CNTN4: variants seen among roughly 807,000 people sequenced by gnomAD.
CNTN4 encodes the protein contactin 4.
Under a neutral mutation model 122.5 loss-of-function variants are expected in CNTN4, and 77 were observed. The ratio of observed to expected loss-of-function variants is 0.63; its 90% confidence interval spans 0.52 to 0.76. CNTN4 has a LOEUF of 0.76. CNTN4 is among the 30% of genes least tolerant of loss of function. The probability of loss-of-function intolerance (pLI) is 0.00; values close to 1 mark genes in which losing one functional copy is unlikely to be tolerated. For missense variants in CNTN4, 1,256 were observed against 1,259.1 expected (o/e 1.00, Z 0.04); for synonymous variants, 512 against 447.0 (o/e 1.15, Z -1.83).
In CNTN4 at chr3:2,149,967, C is replaced by CTT. The variant is rs11397937; in HGVS notation, c.-145+49341_-145+49342dup. 7.5e-3 allele frequency among the ~76,000 whole-genome samples: 1,067 copies of CTT among 143,060 alleles called. 12 individuals carry two copies. The highest frequency in any genetic ancestry group is 0.022 in the African/African-American group (871 of 39,044). 93.9% of individuals were successfully genotyped at this position (143,060 alleles called of 152,430 possible). On this transcript the variant is annotated intron_variant, in intron 2 of 24. Coordinates refer to ENST00000418658, the MANE Select transcript of CNTN4 (RefSeq NM_175607.3). ...TCAACAGGGAATGGGGTGGGCATAG[C>CTT]TTTTTTTTTTTTTTCTGTATTATAT... is the stretch of plus-strand genomic sequence containing the variant.
At chr3:2,496,029 A>G (rs1246770274) in intron 3 of CNTN4, among the ~76,000 whole-genome samples, 2 of 152,188 alleles carry the variant, frequency 1.3e-5, no homozygotes, top group Non-Finnish European at 2.9e-5. Context: ...CGGGCTCAGA[A>G]AAATTAGACT....
intron 4 of CNTN4, among the ~76,000 whole-genome samples, chr3:2,653,249 A>G (rs1025561795): frequency 2.0e-5 from 3 of 152,178 alleles, no homozygotes; most frequent in African/African-American, 7.2e-5. Flanking sequence ...ATTAAGTTAT[A>G]TTACATTTCA....
chr3:2,269,834 A>C (rs1030802739), intron 2 of CNTN4, among the ~76,000 whole-genome samples: 6 of 152,206 alleles, frequency 3.9e-5, no homozygotes, highest in African/African-American at 1.4e-4. Flanking sequence ...GATAGTTTGT[A>C]GTAGAGCTTT....
At chr3:2,664,188 A>G (rs908460777) in intron 4 of CNTN4, among the ~76,000 whole-genome samples, 20 of 152,192 alleles carry the variant, frequency 1.3e-4, no homozygotes, top group Non-Finnish European at 1.9e-4. Flanking sequence ...TCTCAAAGCT[A>G]TCAGTTAAGA....
rs113997262 is a variant in CNTN4, at chr3:2,176,493, A to G, written c.-145+75854A>G. The stretch of plus-strand genomic sequence containing the variant: ...GAAAACCCATGGCTTCCTTGAGTCT[A>G]TTCATTAAGACAAATGGAAAATACA... On this transcript the variant is annotated intron_variant, in intron 2 of 24. Coordinates refer to ENST00000418658, the MANE Select transcript of CNTN4 (RefSeq NM_175607.3). Among the ~76,000 whole-genome samples the G allele has an allele frequency of 3.5e-3, 536 of 152,266 alleles. 4 individuals are homozygous for G. Among genetic ancestry groups the G allele is most frequent in the African/African-American group, 0.012 (499 of 41,564 alleles).
At chr3:2,619,072 T>G (rs912096773) in intron 4 of CNTN4, among the ~76,000 whole-genome samples, 5 of 152,234 alleles carry the variant, frequency 3.3e-5, no homozygotes, top group Admixed American at 6.5e-5. Context: ...CCTGAGAGTT[T>G]CTGTTTACTT....
intron 2 of CNTN4, among the ~76,000 whole-genome samples, chr3:2,325,818 G>T (rs1410018349): frequency 6.6e-6 from 1 of 152,130 alleles, no homozygotes; most frequent in Non-Finnish European, 1.5e-5. Flanking sequence ...CAGTAATAGA[G>T]TACATATGTG....
intron 2 of CNTN4, among the ~76,000 whole-genome samples, chr3:2,226,478 G>A (rs1367196259): frequency 6.6e-6 from 1 of 152,096 alleles, no homozygotes; most frequent in Non-Finnish European, 1.5e-5. Context: ...GGTTACTATG[G>A]GGAAGTCAAA....
chr3:2,450,785 A>G (rs778030435), intron 3 of CNTN4, among the ~76,000 whole-genome samples: 1 of 152,228 alleles, frequency 6.6e-6, no homozygotes, highest in Non-Finnish European at 1.5e-5. Flanking sequence ...AGAAGAGTCA[A>G]CCTGACTCAA....
In CNTN4 at chr3:2,274,352, C is replaced by T. The variant is rs538295980; in HGVS notation, c.-144-64826C>T. On this transcript the variant is annotated intron_variant, in intron 2 of 24. Transcript: ENST00000418658. ...GAGCCAAGATTGCACCACTGCACTC[C>T]AGCCTGGACGACAGAGAGAGACTCC... Among the ~76,000 whole-genome samples, 15 of 151,296 alleles carry T rather than the reference C, an allele frequency of 9.9e-5. No homozygotes were observed. The South Asian group carries it at 3.0e-3, about 30-fold the overall frequency.
intron 2 of CNTN4, among the ~76,000 whole-genome samples, chr3:2,282,922 G>A (rs1161620370): frequency 6.6e-6 from 1 of 152,122 alleles, no homozygotes; most frequent in Non-Finnish European, 1.5e-5. Flanking sequence ...ATGCCTTCAT[G>A]TATATGAAAT....
chr3:2,417,617 A>G (rs1174332520), intron 3 of CNTN4, among the ~76,000 whole-genome samples: 2 of 152,200 alleles, frequency 1.3e-5, no homozygotes, highest in Non-Finnish European at 2.9e-5. Flanking sequence ...CAATCCAGCA[A>G]TCACACTCCT....
chr3:2,317,715 C>G (rs377054581), intron 2 of CNTN4, among the ~76,000 whole-genome samples: 26 of 152,140 alleles, frequency 1.7e-4, no homozygotes, highest in African/African-American at 5.6e-4. Flanking sequence ...GGAGCTGTTA[C>G]ACTTTGTGCT....
chr3:2,469,075 G>C (rs1214641460), intron 3 of CNTN4, among the ~76,000 whole-genome samples: 1 of 152,162 alleles, frequency 6.6e-6, no homozygotes, highest in Admixed American at 6.5e-5. Context: ...GTGGTGTTCT[G>C]TTGTCTCAGA....
At chr3:2,478,761 T>G (rs533598624) in intron 3 of CNTN4, among the ~76,000 whole-genome samples, 59 of 152,316 alleles carry the variant, frequency 3.9e-4, no homozygotes, top group Non-Finnish European at 7.2e-4. Flanking sequence ...AAGGACATGA[T>G]CTCATTCTTT....
chr3:2,638,676 G>A (rs941972435), intron 4 of CNTN4, among the ~76,000 whole-genome samples: 7 of 152,096 alleles, frequency 4.6e-5, no homozygotes. Context: ...GACATATACA[G>A]TGTGATGACT....
intron 4 of CNTN4, among the ~76,000 whole-genome samples, chr3:2,595,894 C>A (rs927758467): frequency 6.6e-6 from 1 of 152,144 alleles, no homozygotes; most frequent in Non-Finnish European, 1.5e-5. Context: ...TAGTGGAAAC[C>A]TCACTGTAAT....
At chr3:2,483,027 C>A (rs1020790605) in intron 3 of CNTN4, among the ~76,000 whole-genome samples, 1 of 151,794 alleles carries the variant, frequency 6.6e-6, no homozygotes, top group Non-Finnish European at 1.5e-5. Context: ...GATCCACCTA[C>A]AGCTTGTACT....
At chr3:2,448,385 CTATCAAGTCATTGGGACACTAT>C (rs2048701687) in intron 3 of CNTN4, among the ~76,000 whole-genome samples, 1 of 152,162 alleles carries the variant, frequency 6.6e-6, no homozygotes, top group Non-Finnish European at 1.5e-5. Flanking sequence ...AATGGAAGAT[CTATCAAGTCATTGGGACACTAT>C]TCTCGACTGT....
Sources: gnomAD v4.1 joint callset for allele counts (sites outside exome capture counted in the v4.1 genomes callset) on GRCh38, gnomAD v4.1.1 for gene constraint, MANE v1.5 for transcripts, NCBI Gene and HGNC (gene_info 2026-07-23, HGNC 2026-07-21) for gene names.